Variants in MIB1 observed in about 807,000 individuals in gnomAD.
MIB1 encodes E3 ubiquitin-protein ligase MIB1.
In MIB1, 278 loss-of-function variants were observed where a neutral mutation model predicts 124.5. The ratio of observed to expected loss-of-function variants is 2.23; its 90% CI spans 2.02 to 2.47. The LOEUF (loss-of-function observed/expected upper bound fraction) is 2.47. Among genes scored for constraint, MIB1 ranks in the 30% most tolerant of loss-of-function variants. The pLI is 0.00. For missense variants in MIB1, 957 were observed against 1,254.4 expected (o/e 0.76, Z 3.58); for synonymous variants, 446 against 429.4 (o/e 1.04, Z -0.48).
Position 21,857,250 on chromosome 18 carries a change from C to A in MIB1, c.2779+7C>A. 6.3e-7 allele frequency: 1 copy of A among 1,594,500 alleles called. No individual in the cohort carries two copies. Among genetic ancestry groups the A allele is most frequent in the South Asian group, 1.1e-5 (1 of 90,572 alleles). On this transcript the variant is annotated splice_region_variant and intron_variant, in intron 19 of 20. Coordinates refer to ENST00000261537, the MANE Select transcript of MIB1 (RefSeq NM_020774.4). ...GATGCCACTGATGATATCTGTAAGT[C>A]GATTGTCTTAAGCATTTTCATATTT...
At chr18:21,841,242 T>C (rs991719574) in intron 13 of MIB1, among the ~76,000 whole-genome samples, 1 of 152,122 alleles carries the variant, frequency 6.6e-6, no homozygotes, top group African/African-American at 2.4e-5. Context: ...GGCACGCACC[T>C]GTAGTCCCCA....
intron 20 of MIB1, among the ~76,000 whole-genome samples, chr18:21,861,903 G>T (rs1303639925): frequency 6.6e-6 from 1 of 151,464 alleles, no homozygotes; most frequent in Non-Finnish European, 1.5e-5. Flanking sequence ...AATCTATTTT[G>T]CTTTTCTTTT....
intron 3 of MIB1, among the ~76,000 whole-genome samples, chr18:21,769,682 A>G (rs2041203687): frequency 1.3e-5 from 2 of 152,162 alleles, no homozygotes; most frequent in South Asian, 4.1e-4. Flanking sequence ...GTCAAATTTT[A>G]ATTGACTGTG....
chr18:21,815,965 A>G (rs2041826925), intron 11 of MIB1, 152 bp downstream of exon 11: 1 of 741,780 alleles, frequency 1.3e-6, no homozygotes, highest in Admixed American at 3.3e-5. Flanking sequence ...ATTGGCAGCT[A>G]TTTCTTTTTT....
intron 1 of MIB1, among the ~76,000 whole-genome samples, chr18:21,743,887 A>G (rs1350323167): frequency 6.6e-6 from 1 of 152,028 alleles, no homozygotes; most frequent in Non-Finnish European, 1.5e-5. Flanking sequence ...TAATAGTTTT[A>G]TTATCTTAAT....
intron 12 of MIB1, among the ~76,000 whole-genome samples, chr18:21,825,055 A>G (rs1246261761): frequency 6.6e-6 from 1 of 152,080 alleles, no homozygotes; most frequent in African/African-American, 2.4e-5. Flanking sequence ...CATGAGTAAA[A>G]GTAGTGATGC....
chr18:21,727,195 T>C (rs772642458), intron 1 of MIB1, among the ~76,000 whole-genome samples: 52 of 151,268 alleles, frequency 3.4e-4, no homozygotes, highest in Non-Finnish European at 7.4e-5. Flanking sequence ...CTGCAACTTC[T>C]ACCTCCCAAG....
intron 4 of MIB1, 91 bp downstream of exon 4, chr18:21,773,819 C>T: frequency 1.4e-6 from 1 of 730,088 alleles, no homozygotes; most frequent in South Asian, 1.9e-5. Flanking sequence ...TTTGTCATCT[C>T]CCTTTGTCAG....
At chr18:21,787,649 G>A (rs144922255) in intron 6 of MIB1, among the ~76,000 whole-genome samples, 20 of 152,060 alleles carry the variant, frequency 1.3e-4, no homozygotes, top group Middle Eastern at 3.4e-3. Flanking sequence ...ACAGAAATTC[G>A]TTTCTTTTAT....
At chr18:21,797,568 AATGAACAGGTTTAGGAAT>A (rs2041597546) in intron 7 of MIB1, among the ~76,000 whole-genome samples, 1 of 152,138 alleles carries the variant, frequency 6.6e-6, no homozygotes, top group Non-Finnish European at 1.5e-5. Context: ...ATTTTGGGAA[AATGAACAGGTTTAGGAAT>A]ATGAGGAAGG....
rs749955302 is a variant in MIB1 at position 21,773,611 on chromosome 18, A to G, written c.532-13A>G. Reference sequence around the variant, plus strand: ...CTTTAAAAAACTTCTTTTCTCAAAAACTATTCTGTTAGGTAACAGAAATCC... The same window carrying G: ...CTTTAAAAAACTTCTTTTCTCAAAAGCTATTCTGTTAGGTAACAGAAATCC... On this transcript the variant is annotated splice_polypyrimidine_tract_variant and intron_variant, in intron 3 of 20. Transcript: ENST00000261537. 3.8e-6 allele frequency: 6 copies of G among 1,587,728 alleles called. No homozygotes were observed. Among genetic ancestry groups the G allele is most frequent in the Middle Eastern group, 1.7e-4 (1 of 6,030 alleles).
At chr18:21,841,955 G>A (rs1012194892) in intron 13 of MIB1, among the ~76,000 whole-genome samples, 5 of 151,950 alleles carry the variant, frequency 3.3e-5, no homozygotes, top group African/African-American at 1.2e-4. Context: ...ATTTATGTGA[G>A]AAATAGACAT....
chr18:21,854,156 C>T (rs1172990941), intron 18 of MIB1, among the ~76,000 whole-genome samples: 2 of 151,944 alleles, frequency 1.3e-5, no homozygotes, highest in Non-Finnish European at 2.9e-5. Flanking sequence ...CCAATACTAT[C>T]AAAAGGGCAC....
chr18:21,759,616 A>G (rs1475741362), intron 1 of MIB1, among the ~76,000 whole-genome samples: 2 of 152,150 alleles, frequency 1.3e-5, no homozygotes, highest in Non-Finnish European at 2.9e-5. Flanking sequence ...GCCGTTGAAC[A>G]TTCATTTTTG....
chr18:21,846,973 A>G lies in MIB1; in HGVS notation c.2241A>G (p.Ala747=). The stretch of plus-strand genomic sequence containing the variant: ...TAATGGGACTTGGTACCCAGGGGGC[A>G]GAGAAGAAGAGTGCAGCATCTATTG... ...TLIMGLGTQG[A]EKKSAASIAC... is the part of the protein sequence containing the mutation. The change falls in exon 16 of 21, where the codon GCA becomes GCG. Residue 747 remains alanine (A), a synonymous_variant. Coordinates refer to ENST00000261537, the MANE Select transcript of MIB1 (RefSeq NM_020774.4). 4 of 1,614,034 alleles carry G rather than the reference A, an allele frequency of 2.5e-6. No homozygotes were observed. Among genetic ancestry groups the G allele is most frequent in the Non-Finnish European group, 3.4e-6 (4 of 1,179,954 alleles).
chr18:21,717,426 A>G (rs2040694271), intron 1 of MIB1, among the ~76,000 whole-genome samples: 1 of 152,244 alleles, frequency 6.6e-6, no homozygotes, highest in Admixed American at 6.5e-5. Context: ...GCTTTTGCAC[A>G]GCAAAAGGAA....
At chr18:21,813,330 T>A (rs2041795813) in intron 10 of MIB1, among the ~76,000 whole-genome samples, 1 of 152,170 alleles carries the variant, frequency 6.6e-6, no homozygotes, top group Admixed American at 6.5e-5. Flanking sequence ...TATGTATACA[T>A]GCATATATAT....
Position 21,799,992 on chromosome 18 carries a change from T to C in MIB1, c.1371+18T>C, listed in dbSNP as rs1171978763. ...ATGTGGATGTGAGCATTTTAAAAAT[T>C]ATTTTGAAGCATACAAAAAGTAGAA... On this transcript the variant is annotated intron_variant, in intron 9 of 20. Coordinates refer to ENST00000261537, the MANE Select transcript of MIB1 (RefSeq NM_020774.4). The C allele has an allele frequency of 6.2e-7, 1 of 1,604,116 alleles. No homozygotes were observed.
chr18:21,785,196 G>A (rs1281955242), intron 6 of MIB1, among the ~76,000 whole-genome samples: 1 of 151,906 alleles, frequency 6.6e-6, no homozygotes, highest in Non-Finnish European at 1.5e-5. Flanking sequence ...ACCTATCATT[G>A]GAGACGACTC....
Sources: allele counts gnomAD v4.1 joint callset (sites outside exome capture counted in the v4.1 genomes callset), GRCh38; gene constraint gnomAD v4.1.1; transcripts MANE v1.5; gene names NCBI Gene and HGNC (gene_info 2026-07-23, HGNC 2026-07-21).